LCN10: variants seen among roughly 807,000 people sequenced by gnomAD.
LCN10 encodes the protein lipocalin 10.
A neutral mutation model predicts 25.1 loss-of-function variants in LCN10; 18 were observed. That is an observed-to-expected ratio of 0.72 (90% CI 0.50 to 1.06). The LOEUF is 1.06. Ranked by LOEUF, LCN10 falls within the 50% of genes least tolerant of loss-of-function variation. The probability of loss-of-function intolerance (pLI) is 0.00; values close to 1 mark genes in which losing one functional copy is unlikely to be tolerated. For synonymous variants in LCN10, 130 were observed against 116.7 expected (o/e 1.11, Z -0.73); for missense variants, 257 against 258.9 (o/e 0.99, Z 0.05).
Position 136,741,233 on chromosome 9 carries a change from G to T in LCN10, c.367+19C>A, listed in dbSNP as rs752845327. On this transcript the variant is annotated intron_variant, in intron 3 of 5. Transcript: ENST00000497771. ...AGGCATATCACGCAGCTCCTCCAGG[G>T]CCCAGAGCCCAAGCACACCTCCCTC... 13 of 1,606,320 alleles carry T rather than the reference G, an allele frequency of 8.1e-6. No homozygotes were observed. The Admixed American group carries it at 2.2e-4, about 27-fold the overall frequency.
In LCN10 at chr9:136,741,832, C is replaced by T. The variant is rs112370652; in HGVS notation, c.257+49G>A. On this transcript the variant is annotated intron_variant, in intron 2 of 5. Coordinates refer to ENST00000497771, the MANE Select transcript of LCN10 (RefSeq NM_001001712.3). ...CTCCTTTCCAGCCCCGAGGCAGCTC[C>T]CTCCTCCTGGAAGGGGAGACCCTTG... The T allele has an allele frequency of 1.1e-5, 17 of 1,555,158 alleles. No individual in the cohort carries two copies. In the African/African-American group the frequency reaches 1.2e-4, roughly 11 times the overall value.
intron 2 of LCN10, 66 bp downstream of exon 2, chr9:136,741,815 C>T (rs1426313733): frequency 2.6e-6 from 4 of 1,524,000 alleles, no homozygotes; most frequent in Non-Finnish European, 3.5e-6. Context: ...GACTCCTTTC[C>T]AGCCCCGAGG....
At chr9:136,741,084 C>T in intron 3 of LCN10, 141 bp from the exon 4 acceptor site, 2 of 984,966 alleles carry the variant, frequency 2.0e-6, no homozygotes, top group South Asian at 1.5e-5. Flanking sequence ...CCTCCCGGGG[C>T]CTCCCCTCCC....
intron 2 of LCN10, 160 bp from the exon 3 acceptor site, chr9:136,741,521 T>C (rs1846933516): frequency 3.2e-6 from 2 of 621,118 alleles, no homozygotes; most frequent in Non-Finnish European, 5.7e-6. Flanking sequence ...ACTATCCAAC[T>C]CGTGTCAATC....
chr9:136,739,172 G>A lies in LCN10; in HGVS notation c.*353C>T, dbSNP rs765601584. The stretch of plus-strand genomic sequence containing the variant: ...AGTGCAGGATGTAAAGGAACGCGGA[G>A]GGTGGCGGCGGCGTGGAGGGCAGAG... On this transcript the variant is annotated 3_prime_UTR_variant, in exon 6 of 6. Coordinates refer to ENST00000497771, the MANE Select transcript of LCN10 (RefSeq NM_001001712.3). The surrounding 1 kb of genome is among the most constrained non-coding windows in gnomAD (Gnocchi z 6.1). 2 of 288,230 alleles carry A rather than the reference G, an allele frequency of 6.9e-6. No individual in the cohort carries two copies. Among genetic ancestry groups the A allele is most frequent in the Non-Finnish European group, 6.7e-6 (1 of 149,036 alleles). 17.9% of individuals were successfully genotyped at this position (288,230 alleles called of 1,614,324 possible). A position where few individuals can be genotyped will look rare whatever the true frequency, so the allele number is the denominator to read the frequency against.
intron 1 of LCN10, 196 bp downstream of exon 1, chr9:136,742,591 C>T (rs1408234851): frequency 3.1e-6 from 2 of 651,940 alleles, no homozygotes; most frequent in Middle Eastern, 4.2e-4. Flanking sequence ...CGAACCCCCT[C>T]GAGGCTCCCT....
Position 136,739,907 on chromosome 9 carries a change from G to T in LCN10, c.574+43C>A. 7.0e-7 allele frequency: 1 copy of T among 1,424,098 alleles called. No individual in the cohort carries two copies. The highest frequency in any genetic ancestry group is 9.7e-7 in the Non-Finnish European group (1 of 1,028,864). The allele number at this position is 1,424,098 out of a possible 1,614,324, so 88.2% of individuals were successfully genotyped here. On this transcript the variant is annotated intron_variant, in intron 5 of 5. Coordinates refer to ENST00000497771, the MANE Select transcript of LCN10 (RefSeq NM_001001712.3). This position sits in a 1 kb window ranked among gnomAD's most constrained non-coding sequence, Gnocchi z 6.1. Reference sequence around the variant, plus strand: ...ATGAATCAGCTCCCCAATGGGACGGGCAGGTAGGGCCAGGAGGGCAAAGGG... The same window carrying T: ...ATGAATCAGCTCCCCAATGGGACGGTCAGGTAGGGCCAGGAGGGCAAAGGG...
rs186586806 is a variant in LCN10, at chr9:136,740,849, G to A, written c.462C>T (p.Asn154=). Residue 154 remains asparagine (N), a synonymous_variant, in exon 4 of 6, where the codon AAC becomes AAT. Transcript: ENST00000497771. The surrounding 1 kb of genome is among the most constrained non-coding windows in gnomAD (Gnocchi z 5.3). The part of the protein sequence containing the change: ...RLGRATQNYK[N]LLLFHRQNVS... ...GTGCCTGCTCACGGAAGAGCAGCAG[G>A]TTCTTGTAGTTTTGGGTTGCACGCC... 5.5e-5 allele frequency: 89 copies of A among 1,612,828 alleles called. No individual in the cohort carries two copies. Among genetic ancestry groups the A allele is most frequent in the Admixed American group, 1.8e-4 (11 of 59,996 alleles).
In LCN10 at chr9:136,738,339, T is replaced by C. The variant is rs1846858956; in HGVS notation, c.*1186A>G. On this transcript the variant is annotated 3_prime_UTR_variant, in exon 6 of 6. Coordinates refer to ENST00000497771, the MANE Select transcript of LCN10 (RefSeq NM_001001712.3). ...GCTGAAGGAGATGGCCAAATAGAGA[T>C]GTTCAATAAGCTTCAGGAGGAGTCA... 6.6e-6 allele frequency: 1 copy of C among 152,092 alleles called. No individual in the cohort carries two copies. The allele number at this position is 152,092 out of a possible 1,614,324, so 9.4% of individuals were successfully genotyped here. A position where few individuals can be genotyped will look rare whatever the true frequency, so the allele number is the denominator to read the frequency against.
At position 136,740,748 on chromosome 9, in the gene LCN10, T is replaced by A; in HGVS notation, c.475+88A>T. The A allele has an allele frequency of 2.5e-4, 166 of 667,192 alleles. No homozygotes were observed. The highest frequency in any genetic ancestry group is 3.4e-4 in the Middle Eastern group (1 of 2,902). 41.3% of individuals were successfully genotyped at this position (667,192 alleles called of 1,614,324 possible). The stretch of plus-strand genomic sequence containing the variant: ...CCCCACTCTCCCTGCCCGCCTCACC[T>A]CCTGCCCGGCCCCCTGTGCCCAGCG... On this transcript the variant is annotated intron_variant, in intron 4 of 5. Transcript: ENST00000497771. The surrounding 1 kb of genome is among the most constrained non-coding windows in gnomAD (Gnocchi z 5.3).
chr9:136,741,860 T>C, intron 2 of LCN10, 21 bp downstream of exon 2: 1 of 1,590,570 alleles, frequency 6.3e-7, no homozygotes, highest in South Asian at 1.1e-5. Flanking sequence ...GACCCTTGCC[T>C]GGGGGGCGCT....
At chr9:136,742,374 T>G (rs571268071) in intron 1 of LCN10, 21 of 406,830 alleles carry the variant, frequency 5.2e-5, no homozygotes, top group African/African-American at 4.1e-4. Context: ...CCCCCAACTC[T>G]GCCTGCTGCC....
Position 136,742,849 on chromosome 9 carries a change from C to T in LCN10, c.55G>A (p.Ala19Thr), listed in dbSNP as rs769695406. 1.9e-6 allele frequency: 3 copies of T among 1,613,634 alleles called. No individual in the cohort carries two copies. The highest frequency in any genetic ancestry group is 2.5e-6 in the Non-Finnish European group (3 of 1,179,828). ...ALVLVLVLVLAAGSQVQEWYP... is the reference protein window; with the variant it reads ...ALVLVLVLVLTAGSQVQEWYP... ...CACTCCTGCACCTGGGACCCTGCAG[C>T]CAGCACTAGCACCAGCACCAGCACC... Residue 19 changes from alanine to threonine, a missense_variant, in exon 1 of 6, where the codon GCT becomes ACT. Coordinates refer to ENST00000497771, the MANE Select transcript of LCN10 (RefSeq NM_001001712.3).
rs369198647 is a variant in LCN10 at position 136,741,308 on chromosome 9, G to A, written c.311C>T (p.Pro104Leu). 1.5e-5 allele frequency: 25 copies of A among 1,613,308 alleles called. No individual in the cohort carries two copies. The highest frequency in any genetic ancestry group is 5.3e-5 in the African/African-American group (4 of 74,926). The change falls in exon 3 of 6, where the codon CCG (proline) becomes CTG (leucine). Residue 104 changes from proline (P) to leucine (L), a missense_variant. By Grantham distance (98) the Pro-to-Leu change is moderately conservative. Transcript: ENST00000497771. ...GTATGCACAGGCGTTCCCAAACACC[G>A]GCTTCTTCCCGTCTTTCCTCAGGAT... ...EVILRKDGKK[P>L]VFGNACAYAA...
At position 136,741,951 on chromosome 9, in the gene LCN10, T is replaced by C. The variant is rs775986996; in HGVS notation, c.187A>G (p.Arg63Gly). 34 of 1,612,184 alleles carry C rather than the reference T, an allele frequency of 2.1e-5. No individual in the cohort carries two copies. Among genetic ancestry groups the C allele is most frequent in the Non-Finnish European group, 2.8e-5 (33 of 1,179,398 alleles). Residue 63 changes from arginine (R) to glycine (G), a missense_variant, in exon 2 of 6, where the codon AGG becomes GGG. Coordinates refer to ENST00000497771, the MANE Select transcript of LCN10 (RefSeq NM_001001712.3). ...TTTACCACGGACGCCCCCAGCTTCC[T>C]CTTGTCCCTGGCCGGCAAGAATCCC... ...AQGFLPARDKRKLGASVVKVN... is the reference protein window; with the variant it reads ...AQGFLPARDKGKLGASVVKVN...
intron 3 of LCN10, 81 bp downstream of exon 3, chr9:136,741,171 G>A (rs1411685782): frequency 3.1e-5 from 39 of 1,271,514 alleles, no homozygotes; most frequent in Middle Eastern, 1.9e-4. Context: ...ACGTGCTCTC[G>A]GGGACAAGGG....
rs1846900659 is a variant in LCN10, at chr9:136,740,040, T to G, written c.484A>C (p.Asn162His). 6.4e-7 allele frequency: 1 copy of G among 1,569,470 alleles called. No individual in the cohort carries two copies. The highest frequency in any genetic ancestry group is 1.2e-5 in the South Asian group (1 of 85,272). Residue 162 changes from asparagine to histidine, a missense_variant, in exon 5 of 6, where the codon AAT becomes CAT. Asn to His is a moderately conservative substitution (Grantham distance 68). Transcript: ENST00000497771. The surrounding 1 kb of genome is among the most constrained non-coding windows in gnomAD (Gnocchi z 5.3). Reference sequence around the variant, plus strand: ...TTCAGACTCTGGAAGCTCGAAACATTCTGCCTATCTGAGGTTGAGATCAGG... The same window carrying G: ...TTCAGACTCTGGAAGCTCGAAACATGCTGCCTATCTGAGGTTGAGATCAGG... ...YKNLLLFHRQ[N>H]VSSFQSLKEF...
Position 136,739,181 on chromosome 9 carries a change from C to A in LCN10, c.*344G>T. ...TGTAAAGGAACGCGGAGGGTGGCGG[C>A]GGCGTGGAGGGCAGAGGCAAGGCAC... On this transcript the variant is annotated 3_prime_UTR_variant, in exon 6 of 6. Coordinates refer to ENST00000497771, the MANE Select transcript of LCN10 (RefSeq NM_001001712.3). This position sits in a 1 kb window ranked among gnomAD's most constrained non-coding sequence, Gnocchi z 6.1. 2 of 290,326 alleles carry A rather than the reference C, an allele frequency of 6.9e-6. No homozygotes were observed. The highest frequency in any genetic ancestry group is 1.3e-5 in the Non-Finnish European group (2 of 150,762). The allele number at this position is 290,326 out of a possible 1,614,324, so 18.0% of individuals were successfully genotyped here.
intron 1 of LCN10, chr9:136,742,579 C>T (rs1846962418): frequency 3.2e-6 from 2 of 618,216 alleles, no homozygotes; most frequent in Non-Finnish European, 5.5e-6. Context: ...CCCCTGGGCC[C>T]CCGAACCCCC....
Sources: allele counts gnomAD v4.1 joint callset, GRCh38; gene constraint gnomAD v4.1.1; non-coding constraint Gnocchi (gnomAD v3.1); transcripts MANE v1.5; gene names NCBI Gene and HGNC (gene_info 2026-07-23, HGNC 2026-07-21).